CSMD1: variants seen among roughly 807,000 people sequenced by gnomAD.
CSMD1 encodes CUB and sushi domain-containing protein 1.
Under a neutral mutation model 417.5 loss-of-function variants are expected in CSMD1, and 213 were observed. The ratio of observed to expected loss-of-function variants is 0.51; its 90% CI spans 0.46 to 0.57. The LOEUF is 0.57. CSMD1 is among the 20% of genes least tolerant of loss of function. The pLI is 0.00. For missense variants in CSMD1, 6,923 were observed against 4,529.7 expected, an observed-to-expected ratio of 1.53 and a Z score of -15.17; for synonymous variants, 2,862 against 1,736.8, an observed-to-expected ratio of 1.65 and a Z score of -16.11.
chr8:3,413,616 G>C (rs930160219), intron 12 of CSMD1, among the ~76,000 whole-genome samples: 1 of 152,130 alleles, frequency 6.6e-6, no homozygotes, highest in African/African-American at 2.4e-5. Flanking sequence ...GTTTCATTTG[G>C]GGGAACTATC....
At chr8:4,413,798 A>G (rs1369486546) in intron 3 of CSMD1, among the ~76,000 whole-genome samples, 1 of 152,164 alleles carries the variant, frequency 6.6e-6, no homozygotes, top group Non-Finnish European at 1.5e-5. Flanking sequence ...TCTGGCAACT[A>G]AGCCTAGAGA....
intron 3 of CSMD1, among the ~76,000 whole-genome samples, chr8:4,093,902 G>C (rs1006572317): frequency 6.6e-6 from 1 of 152,090 alleles, no homozygotes; most frequent in African/African-American, 2.4e-5. Flanking sequence ...AGAGGTTTCA[G>C]TGAGCCCAGA....
At chr8:4,313,354 CA>C (rs1035128734) in intron 3 of CSMD1, among the ~76,000 whole-genome samples, 13 of 83,378 alleles carry the variant, frequency 1.6e-4, no homozygotes, top group Non-Finnish European at 1.9e-4. Context: ...GGTAGCAGAC[CA>C]TCATTGTCAC....
chr8:3,814,661 G>C (rs1801277030), intron 5 of CSMD1, among the ~76,000 whole-genome samples: 1 of 152,182 alleles, frequency 6.6e-6, no homozygotes, highest in African/African-American at 2.4e-5. Context: ...CCTCAAATGT[G>C]AATAGTGCTG....
rs575030995 is a variant in CSMD1, at chr8:4,968,505, A to G, written c.85+25827T>C. On this transcript the variant is annotated intron_variant, in intron 1 of 69. Coordinates refer to ENST00000635120, the MANE Select transcript of CSMD1 (RefSeq NM_033225.6). The stretch of plus-strand genomic sequence containing the variant: ...TAAGATATAGGAAAATGCAAAATGC[A>G]AAAACTAATTTCCACCTGCACTACT... Among the ~76,000 whole-genome samples, 68 of 152,282 alleles carry G rather than the reference A, an allele frequency of 4.5e-4. No homozygotes were observed. In the South Asian group the frequency reaches 0.014, roughly 31 times the overall value.
At chr8:3,083,650 T>TATATA (rs1814304913) in intron 49 of CSMD1, among the ~76,000 whole-genome samples, 1 of 15,682 alleles carries the variant, frequency 6.4e-5, no homozygotes, top group African/African-American at 2.3e-4. Context: ...ATATATATAT[T>TATATA]TTTTTTTTTT....
intron 5 of CSMD1, among the ~76,000 whole-genome samples, chr8:3,854,166 A>T (rs1359385414): frequency 6.8e-6 from 1 of 147,814 alleles, no homozygotes; most frequent in Non-Finnish European, 1.5e-5. Context: ...TAATAAAAAA[A>T]AAAAAACACG....
chr8:3,642,200 T>C (rs977264232), intron 7 of CSMD1, among the ~76,000 whole-genome samples: 7 of 151,320 alleles, frequency 4.6e-5, no homozygotes, highest in African/African-American at 1.7e-4. Flanking sequence ...ATATAGAAGA[T>C]GATGTATATA....
At chr8:4,292,041 A>C (rs1369053922) in intron 3 of CSMD1, among the ~76,000 whole-genome samples, 3 of 152,110 alleles carry the variant, frequency 2.0e-5, no homozygotes, top group Admixed American at 2.0e-4. Context: ...TACTTTAATA[A>C]TGGAGGTTTG....
chr8:3,140,046 G>A (rs1818341730), intron 41 of CSMD1, among the ~76,000 whole-genome samples: 1 of 151,946 alleles, frequency 6.6e-6, no homozygotes, highest in Non-Finnish European at 1.5e-5. Context: ...GGGATTACAG[G>A]CGCCTGCCAT....
chr8:3,584,508 C>G (rs771491971), intron 9 of CSMD1, among the ~76,000 whole-genome samples: 1 of 150,932 alleles, frequency 6.6e-6, no homozygotes, highest in Non-Finnish European at 1.5e-5. Flanking sequence ...CTGGATGGAG[C>G]AGCTGTTTCC....
At chr8:4,421,612 G>C (rs1797251896) in intron 2 of CSMD1, among the ~76,000 whole-genome samples, 1 of 151,762 alleles carries the variant, frequency 6.6e-6, no homozygotes, top group Admixed American at 6.6e-5. Context: ...AAGTCTCAAG[G>C]AAAATAAAAA....
At chr8:4,306,756 G>A (rs1798269882) in intron 3 of CSMD1, among the ~76,000 whole-genome samples, 1 of 152,036 alleles carries the variant, frequency 6.6e-6, no homozygotes, top group Admixed American at 6.6e-5. Context: ...GCAGGGTAGT[G>A]TTCTGGTGCG....
At chr8:4,139,305 G>A (rs372606316) in intron 3 of CSMD1, among the ~76,000 whole-genome samples, 10 of 152,282 alleles carry the variant, frequency 6.6e-5, no homozygotes, top group South Asian at 2.1e-4. Flanking sequence ...TACAGCTGTC[G>A]TTATACTTAT....
chr8:3,932,049 G>A (rs897708684), intron 5 of CSMD1, among the ~76,000 whole-genome samples: 2 of 150,472 alleles, frequency 1.3e-5, no homozygotes, highest in Non-Finnish European at 3.0e-5. Flanking sequence ...AATTTCATCA[G>A]AGAGTAGGAT....
intron 2 of CSMD1, among the ~76,000 whole-genome samples, chr8:4,448,335 A>C (rs183892017): frequency 9.2e-5 from 14 of 152,346 alleles, no homozygotes; most frequent in Non-Finnish European, 2.1e-4. Flanking sequence ...TTTAATTTAA[A>C]AAGCCTTCTG....
intron 1 of CSMD1, among the ~76,000 whole-genome samples, chr8:4,884,214 T>C (rs1331361507): frequency 2.0e-5 from 3 of 152,006 alleles, no homozygotes. Context: ...CGTGTGTGTG[T>C]GTGTGTGTAC....
chr8:3,859,800 C>G (rs919473001), intron 5 of CSMD1, among the ~76,000 whole-genome samples: 3 of 152,146 alleles, frequency 2.0e-5, no homozygotes, highest in African/African-American at 7.2e-5. Flanking sequence ...GTCAATGCAT[C>G]CTGATTCCGC....
intron 6 of CSMD1, among the ~76,000 whole-genome samples, chr8:3,710,767 T>G (rs549520142): frequency 6.6e-6 from 1 of 152,182 alleles, no homozygotes; most frequent in East Asian, 1.9e-4. Context: ...ATAGGAATTA[T>G]GACACCGCCA....
Sources: allele counts gnomAD v4.1 joint callset (sites outside exome capture counted in the v4.1 genomes callset), GRCh38; gene constraint gnomAD v4.1.1; transcripts MANE v1.5; gene names NCBI Gene and HGNC (gene_info 2026-07-23, HGNC 2026-07-21).